PCDHA6: variants seen among roughly 807,000 people sequenced by gnomAD.
PCDHA6 encodes the protein protocadherin alpha-6.
A neutral mutation model predicts 60.3 loss-of-function variants in PCDHA6; 55 were observed. The observed-to-expected ratio is 0.91, with a 90% confidence interval of 0.73 to 1.14. PCDHA6 has a LOEUF of 1.14. Ranked by LOEUF, PCDHA6 falls within the 50% of genes most tolerant of loss-of-function variation. The pLI, the probability that PCDHA6 is intolerant of heterozygous loss-of-function variation, is 0.00. For missense variants in PCDHA6, 1,327 were observed against 1,256.5 expected (o/e 1.06, Z -0.85); for synonymous variants, 652 against 557.9 (o/e 1.17, Z -2.38).
At chr5:140,984,826 T>C (rs1554246543) in intron 3 of PCDHA6, among the ~76,000 whole-genome samples, 4 of 152,188 alleles carry the variant, frequency 2.6e-5, no homozygotes, top group African/African-American at 9.6e-5. Context: ...TTAATTACCC[T>C]TTCTGTAAAT....
chr5:140,936,091 C>T (rs782416143), intron 1 of PCDHA6, among the ~76,000 whole-genome samples: 2 of 152,046 alleles, frequency 1.3e-5, no homozygotes, highest in Non-Finnish European at 2.9e-5. Flanking sequence ...CAGGGTTTCA[C>T]CATGTTGGCC....
chr5:140,828,853 T>C lies in PCDHA6; in HGVS notation c.762T>C (p.Asn254=), dbSNP rs2150159724. 5.7e-4 allele frequency: 921 copies of C among 1,613,698 alleles called. No individual in the cohort carries two copies. The highest frequency in any genetic ancestry group is 4.0e-3 in the South Asian group (364 of 90,704). Residue 254 remains asparagine (N), a synonymous_variant, in exon 1 of 4, where the codon AAT becomes AAC. Transcript: ENST00000529310. ...QSEYEVRIFE[N]ADNGTTVIRL... ...AATACGAAGTAAGAATATTCGAAAA[T>C]GCAGACAACGGAACAACAGTTATCA...
intron 1 of PCDHA6, chr5:140,884,030 G>A: frequency 6.2e-7 from 1 of 1,613,438 alleles, no homozygotes; most frequent in Non-Finnish European, 8.5e-7. Flanking sequence ...GGTGGGTGCA[G>A]GCCACGTGGT....
At chr5:140,928,868 C>G (rs374918492) in intron 1 of PCDHA6, 32 of 1,614,062 alleles carry the variant, frequency 2.0e-5, no homozygotes, top group Non-Finnish European at 2.6e-5. Context: ...TTGAGCAACT[C>G]TGTCCCTCAG....
At chr5:140,856,911 T>C in intron 1 of PCDHA6, 2 of 1,595,928 alleles carry the variant, frequency 1.3e-6, no homozygotes, top group South Asian at 2.2e-5. Context: ...CCACCCACGA[T>C]AAGAAGGAAA....
intron 1 of PCDHA6, chr5:140,869,054 T>C: frequency 6.5e-7 from 1 of 1,545,104 alleles, no homozygotes; most frequent in African/African-American, 1.4e-5. Context: ...CTGAAGAATC[T>C]GGTACTGTAA....
chr5:140,958,873 A>G (rs1554223676), intron 1 of PCDHA6, among the ~76,000 whole-genome samples: 1 of 152,100 alleles, frequency 6.6e-6, no homozygotes, highest in East Asian at 1.9e-4. Context: ...TTTATAAAAG[A>G]ATTGACCAGT....
chr5:140,915,389 G>T (rs1382922139), intron 1 of PCDHA6, among the ~76,000 whole-genome samples: 5 of 152,078 alleles, frequency 3.3e-5, no homozygotes, highest in African/African-American at 4.8e-5. Context: ...TGAAGAGCTA[G>T]GTATTTCTTA....
At chr5:140,874,354 T>C (rs1554167160) in intron 1 of PCDHA6, among the ~76,000 whole-genome samples, 5 of 152,214 alleles carry the variant, frequency 3.3e-5, no homozygotes, top group Non-Finnish European at 7.3e-5. Context: ...TGATCTTGAA[T>C]TAATGAATAA....
chr5:141,005,819 G>A, intron 3 of PCDHA6, among the ~76,000 whole-genome samples: 1 of 151,636 alleles, frequency 6.6e-6, no homozygotes, highest in South Asian at 2.1e-4. Context: ...CAGGTATGGT[G>A]GCCTGTAGTC....
chr5:140,871,490 G>A (rs1554165680), intron 1 of PCDHA6: 1 of 1,590,548 alleles, frequency 6.3e-7, no homozygotes, highest in Admixed American at 1.8e-5. Context: ...AATCACCCCG[G>A]ACAGGTGAGT....
chr5:140,946,162 A>C (rs2093896348), intron 1 of PCDHA6, among the ~76,000 whole-genome samples: 1 of 152,080 alleles, frequency 6.6e-6, no homozygotes, highest in Non-Finnish European at 1.5e-5. Context: ...GATTTAAAAG[A>C]TGGGTAAAGG....
chr5:140,965,527 A>G (rs2095909626), intron 1 of PCDHA6, among the ~76,000 whole-genome samples: 1 of 151,946 alleles, frequency 6.6e-6, no homozygotes, highest in Non-Finnish European at 1.5e-5. Flanking sequence ...CAAAGCATTA[A>G]TGGAATCCAA....
intron 3 of PCDHA6, among the ~76,000 whole-genome samples, chr5:141,009,142 G>T (rs1374390797): frequency 2.0e-5 from 3 of 152,204 alleles, no homozygotes; most frequent in Non-Finnish European, 4.4e-5. Context: ...GAAAAAACCT[G>T]CCCTCTTGCT....
At chr5:141,009,147 C>A (rs1193433198) in intron 3 of PCDHA6, among the ~76,000 whole-genome samples, 1 of 152,332 alleles carries the variant, frequency 6.6e-6, no homozygotes, top group Admixed American at 6.5e-5. Flanking sequence ...AACCTGCCCT[C>A]TTGCTTGTCT....
At chr5:140,908,103 TC>T (rs1554193224) in intron 1 of PCDHA6, among the ~76,000 whole-genome samples, 2 of 152,192 alleles carry the variant, frequency 1.3e-5, no homozygotes, top group Non-Finnish European at 2.9e-5. Flanking sequence ...TGAAGTTCTG[TC>T]CACTGGGAAG....
At chr5:140,936,367 A>C (rs1347774517) in intron 1 of PCDHA6, among the ~76,000 whole-genome samples, 2 of 152,230 alleles carry the variant, frequency 1.3e-5, no homozygotes, top group East Asian at 1.9e-4. Flanking sequence ...GCTACTGAGC[A>C]CTTGAAATGT....
chr5:140,851,937 T>A, intron 1 of PCDHA6: 1 of 965,138 alleles, frequency 1.0e-6, no homozygotes, highest in Non-Finnish European at 1.3e-6. Context: ...TGAATTGTAG[T>A]ATGTGACTTT....
At chr5:140,863,412 G>A (rs1226445956) in intron 1 of PCDHA6, 2 of 735,306 alleles carry the variant, frequency 2.7e-6, no homozygotes, top group Non-Finnish European at 4.6e-6. Flanking sequence ...CCACGCTGGT[G>A]TACCGCAGCG....
Sources: gnomAD v4.1 joint callset for allele counts (sites outside exome capture counted in the v4.1 genomes callset) on GRCh38, gnomAD v4.1.1 for gene constraint, MANE v1.5 for transcripts, NCBI Gene and HGNC (gene_info 2026-07-23, HGNC 2026-07-21) for gene names.